The following CACNA1D variants were observed in gnomAD, a reference collection of about 807,000 sequenced individuals.
The protein encoded by CACNA1D is calcium voltage-gated channel subunit alpha1 D.
Under a neutral mutation model 257.1 loss-of-function variants are expected in CACNA1D, and 55 were observed. That is an observed-to-expected ratio of 0.21 (90% CI 0.17 to 0.27). The LOEUF is 0.27. Ranked by LOEUF, CACNA1D falls within the 10% of genes least tolerant of loss-of-function variation. CACNA1D has a pLI of 1.00. For synonymous variants in CACNA1D, 980 were observed against 1,014.9 expected, an observed-to-expected ratio of 0.97 and a Z score of 0.65; for missense variants, 1,876 against 2,784.0, an observed-to-expected ratio of 0.67 and a Z score of 7.34.
intron 7 of CACNA1D, among the ~76,000 whole-genome samples, chr3:53,670,953 C>A (rs2094317233): frequency 1.3e-5 from 2 of 152,144 alleles, no homozygotes; most frequent in Admixed American, 1.3e-4. Flanking sequence ...TCAATGGGAG[C>A]AAGACCGTTC....
chr3:53,549,246 GTTCTT>G (rs1266856529), intron 3 of CACNA1D, among the ~76,000 whole-genome samples: 1 of 152,150 alleles, frequency 6.6e-6, no homozygotes, highest in East Asian at 1.9e-4. Flanking sequence ...AATACTTTGT[GTTCTT>G]TTATGTGGTC....
intron 25 of CACNA1D, 56 bp from the exon 26 acceptor site, chr3:53,747,246 C>T (rs981792328): frequency 3.3e-5 from 50 of 1,538,340 alleles, no homozygotes; most frequent in Non-Finnish European, 4.0e-5. Context: ...CAACTTTACG[C>T]TGCTTCCACC....
chr3:53,627,228 C>A (rs1216749356), intron 3 of CACNA1D, among the ~76,000 whole-genome samples: 1 of 152,292 alleles, frequency 6.6e-6, no homozygotes, highest in African/African-American at 2.4e-5. Flanking sequence ...TGCACAGCCT[C>A]TGGTTGCTAG....
intron 3 of CACNA1D, among the ~76,000 whole-genome samples, chr3:53,643,420 TG>T (rs1343616053): frequency 6.6e-6 from 1 of 152,136 alleles, no homozygotes; most frequent in Non-Finnish European, 1.5e-5. Flanking sequence ...GGTCACCTCC[TG>T]AAACGTGTAG....
intron 8 of CACNA1D, among the ~76,000 whole-genome samples, chr3:53,697,621 G>C (rs371721609): frequency 4.6e-5 from 7 of 152,210 alleles, no homozygotes; most frequent in African/African-American, 1.7e-4. Flanking sequence ...ATAGCACAGT[G>C]AATAATCCAT....
At chr3:53,576,693 G>A (rs2093044452) in intron 3 of CACNA1D, among the ~76,000 whole-genome samples, 1 of 152,158 alleles carries the variant, frequency 6.6e-6, no homozygotes, top group African/African-American at 2.4e-5. Context: ...TGTCTAAATT[G>A]CATTTGCAGC....
At chr3:53,781,449 C>A in intron 38 of CACNA1D, 117 bp from the exon 39 acceptor site, 1 of 727,500 alleles carries the variant, frequency 1.4e-6, no homozygotes, top group Non-Finnish European at 2.5e-6. Context: ...GGGAGTGGAG[C>A]CCCATCAGAG....
At chr3:53,520,541 C>T (rs886441754) in intron 3 of CACNA1D, among the ~76,000 whole-genome samples, 3 of 152,098 alleles carry the variant, frequency 2.0e-5, no homozygotes, top group Admixed American at 1.3e-4. Flanking sequence ...CAAGGCGGGT[C>T]GGTCACCTGA....
chr3:53,707,211 G>A (rs752998100), intron 9 of CACNA1D, among the ~76,000 whole-genome samples: 13 of 152,032 alleles, frequency 8.6e-5, no homozygotes, highest in South Asian at 6.3e-4. Flanking sequence ...CTGGCTGTAC[G>A]TTATAATCAC....
At chr3:53,759,545 T>C (rs2095288093) in intron 29 of CACNA1D, among the ~76,000 whole-genome samples, 1 of 152,248 alleles carries the variant, frequency 6.6e-6, no homozygotes, top group Non-Finnish European at 1.5e-5. Flanking sequence ...GGAGGTCTAG[T>C]TGCTACTTGT....
At chr3:53,666,141 A>T (rs537347047) in intron 6 of CACNA1D, among the ~76,000 whole-genome samples, 198 bp from the exon 7 acceptor site, 24 of 152,330 alleles carry the variant, frequency 1.6e-4, no homozygotes, top group African/African-American at 5.5e-4. Context: ...AGAACCATGG[A>T]TGCTGACAAG....
chr3:53,544,621 T>C (rs2092372977), intron 3 of CACNA1D, among the ~76,000 whole-genome samples: 1 of 152,368 alleles, frequency 6.6e-6, no homozygotes, highest in South Asian at 2.1e-4. Flanking sequence ...GTTGTGCCTG[T>C]TCCCAGTGGG....
chr3:53,760,740 C>G (rs1276035161), intron 29 of CACNA1D, among the ~76,000 whole-genome samples: 1 of 152,080 alleles, frequency 6.6e-6, no homozygotes, highest in Non-Finnish European at 1.5e-5. Flanking sequence ...GATGTTGTAC[C>G]CTCAAAATTG....
In CACNA1D at chr3:53,618,930, T is replaced by A. The variant is rs2093665776; in HGVS notation, c.484-31849T>A. ...AATATCATTATTGGTGAAATGGGGTTAATAACTCTTAGGTCCTAGGGTTTT... is the reference window on the plus strand; with the variant it reads ...AATATCATTATTGGTGAAATGGGGTAAATAACTCTTAGGTCCTAGGGTTTT... On this transcript the variant is annotated intron_variant, in intron 3 of 47. Transcript: ENST00000350061. Among the ~76,000 whole-genome samples, 2 of 152,162 alleles carry A rather than the reference T, an allele frequency of 1.3e-5. 1 individual carries two copies. The highest frequency in any genetic ancestry group is 4.8e-5 in the African/African-American group (2 of 41,430).
chr3:53,507,486 C>T lies in CACNA1D; in HGVS notation c.483+5766C>T, dbSNP rs370385439. Among the ~76,000 whole-genome samples the T allele has an allele frequency of 1.3e-3, 196 of 151,306 alleles. 6 individuals carry two copies. The South Asian group carries it at 0.038, about 30-fold the overall frequency. On this transcript the variant is annotated intron_variant, in intron 3 of 47. Transcript: ENST00000350061. ...AAAAAAAATTAGCTGGGTGTGGTGGCGTGCACCTGTGGTCCCAGCTACTCA... is the reference window on the plus strand; with the variant it reads ...AAAAAAAATTAGCTGGGTGTGGTGGTGTGCACCTGTGGTCCCAGCTACTCA...
In CACNA1D at chr3:53,762,030, C is replaced by T. The variant is rs760118281; in HGVS notation, c.3819C>T (p.Asp1273=). The T allele has an allele frequency of 6.2e-7, 1 of 1,613,904 alleles. No homozygotes were observed. Among genetic ancestry groups the T allele is most frequent in the East Asian group, 2.2e-5 (1 of 44,886 alleles). ...TTAGTGACGCCTGGAACACGTTTGA[C>T]TCCCTCATCGTAATCGGCAGCATTA... ...GYFSDAWNTF[D]SLIVIGSIID... Residue 1273 remains aspartate, a synonymous_variant, in exon 30 of 48, where the codon GAC becomes GAT. Coordinates refer to ENST00000350061, the MANE Select transcript of CACNA1D (RefSeq NM_001128840.3).
At position 53,673,085 on chromosome 3, in the gene CACNA1D, G is replaced by A; in HGVS notation, c.1179G>A (p.Gly393=). The part of the protein sequence containing the change: ...WVYFVSLVIF[G]SFFVLNLVLG... Reference sequence around the variant, plus strand: ...ATTTTGTCAGTCTCGTCATCTTTGGGTCATTTTTCGTACTAAATCTTGTAC... The same window carrying A: ...ATTTTGTCAGTCTCGTCATCTTTGGATCATTTTTCGTACTAAATCTTGTAC... The change falls in exon 8 of 48, where the codon GGG becomes GGA. Residue 393 remains glycine (G), a synonymous_variant. Transcript: ENST00000350061. The surrounding 1 kb of genome is among the most constrained non-coding windows in gnomAD (Gnocchi z 4.1). The A allele has an allele frequency of 6.4e-7, 1 of 1,552,144 alleles. No individual in the cohort carries two copies. Among genetic ancestry groups the A allele is most frequent in the East Asian group, 2.4e-5 (1 of 41,022 alleles).
chr3:53,522,926 C>G (rs2091633903), intron 3 of CACNA1D, among the ~76,000 whole-genome samples: 1 of 152,214 alleles, frequency 6.6e-6, no homozygotes, highest in African/African-American at 2.4e-5. Flanking sequence ...CCTCCAGCCC[C>G]TCTTCTCAGC....
chr3:53,546,015 G>T (rs1354086290), intron 3 of CACNA1D, among the ~76,000 whole-genome samples: 2 of 152,174 alleles, frequency 1.3e-5, no homozygotes, highest in African/African-American at 4.8e-5. Context: ...CTGGGCTTCA[G>T]TTTGCAGAGG....
Sources: gnomAD v4.1 joint callset for allele counts (sites outside exome capture counted in the v4.1 genomes callset) on GRCh38, gnomAD v4.1.1 for gene constraint, Gnocchi (gnomAD v3.1) non-coding constraint, MANE v1.5 for transcripts, NCBI Gene and HGNC (gene_info 2026-07-23, HGNC 2026-07-21) for gene names.